The following DPYS variants were observed in gnomAD, a reference collection of about 807,000 sequenced individuals.
The protein encoded by DPYS is dihydropyrimidinase.
A neutral mutation model predicts 50.3 loss-of-function variants in DPYS; 39 were observed. That is an observed-to-expected ratio of 0.78 (90% CI 0.60 to 1.01). The LOEUF (loss-of-function observed/expected upper bound fraction) is 1.01, where lower values mean the gene tolerates loss of function less well. Ranked by LOEUF, DPYS falls within the 50% of genes least tolerant of loss-of-function variation. The pLI, the probability that DPYS is intolerant of heterozygous loss-of-function variation, is 0.00. For synonymous variants in DPYS, 245 were observed against 250.7 expected (o/e 0.98, Z 0.22); for missense variants, 659 against 680.9 (o/e 0.97, Z 0.36).
At chr8:104,430,853 C>T (rs370122537) in intron 4 of DPYS, among the ~76,000 whole-genome samples, 4 of 152,234 alleles carry the variant, frequency 2.6e-5, no homozygotes, top group African/African-American at 4.8e-5. Context: ...ACTTTGCTTC[C>T]GTGACATACC....
chr8:104,444,290 T>C lies in DPYS; in HGVS notation c.751A>G (p.Ser251Gly). 2.5e-6 allele frequency: 4 copies of C among 1,614,250 alleles called. No homozygotes were observed. The highest frequency in any genetic ancestry group is 3.4e-6 in the Non-Finnish European group (4 of 1,180,052). Residue 251 changes from serine to glycine, a missense_variant, in exon 4 of 10, where the codon AGC (serine) becomes GGC (glycine). Physicochemically the swap from Ser to Gly is moderately conservative, Grantham distance 56 (BLOSUM62 0). Transcript: ENST00000351513. Reference sequence around the variant, plus strand: ...GCTATCACCTTAGCTGCAGACTTGCTCATCACATGCACAATGTAGAGAGGA... The same window carrying C: ...GCTATCACCTTAGCTGCAGACTTGCCCATCACATGCACAATGTAGAGAGGA... ...NCPLYIVHVM[S>G]KSAAKVIADA...
Position 104,392,914 on chromosome 8 carries a change from A to G in DPYS, c.1313T>C (p.Leu438Pro), listed in dbSNP as rs752417399. The change falls in exon 8 of 10, where the codon CTT becomes CCT. Residue 438 changes from leucine to proline, a missense_variant. Leu to Pro is a moderately conservative substitution (Grantham distance 98). Coordinates refer to ENST00000351513, the MANE Select transcript of DPYS (RefSeq NM_001385.3). ...CACTTTGCCTCTTGAAATAGTCACAAGGGGCACCCCGTGGCAAACCATGCC... is the reference window on the plus strand; with the variant it reads ...CACTTTGCCTCTTGAAATAGTCACAGGGGGCACCCCGTGGCAAACCATGCC... ...FEGMVCHGVP[L>P]VTISRGKVVY... 6.2e-6 allele frequency: 10 copies of G among 1,614,222 alleles called. No individual in the cohort carries two copies. Among genetic ancestry groups the G allele is most frequent in the Non-Finnish European group, 8.5e-6 (10 of 1,180,040 alleles).
intron 7 of DPYS, among the ~76,000 whole-genome samples, chr8:104,413,874 G>A (rs1050194808): frequency 6.6e-6 from 1 of 152,166 alleles, no homozygotes; most frequent in Non-Finnish European, 1.5e-5. Context: ...TGCAGGACAT[G>A]GACAAGTGTG....
At chr8:104,431,842 A>G (rs1028319493) in intron 4 of DPYS, among the ~76,000 whole-genome samples, 1 of 152,220 alleles carries the variant, frequency 6.6e-6, no homozygotes, top group African/African-American at 2.4e-5. Flanking sequence ...AATTACAGTC[A>G]TAGTATTATA....
intron 9 of DPYS, chr8:104,380,599 A>G (rs1036477561): frequency 1.9e-5 from 3 of 154,100 alleles, no homozygotes; most frequent in African/African-American, 7.2e-5. Flanking sequence ...TCAGAAAAGA[A>G]AGATCTGCAT....
Position 104,447,381 on chromosome 8 carries a change from G to A in DPYS, c.546C>T (p.Cys182=). Residue 182 remains cysteine (C), a synonymous_variant, in exon 3 of 10, where the codon TGC becomes TGT. Transcript: ENST00000351513. ...CCTGGGCAATTGCTCCAATTTCCTT[G>A]CACCGAGAGAAGGCTTCGTACAGCT... The part of the protein sequence containing the change: ...DLELYEAFSR[C]KEIGAIAQVH... 6.2e-7 allele frequency: 1 copy of A among 1,613,858 alleles called. No homozygotes were observed. The highest frequency in any genetic ancestry group is 8.5e-7 in the Non-Finnish European group (1 of 1,179,978).
intron 4 of DPYS, among the ~76,000 whole-genome samples, chr8:104,441,957 A>G (rs1255895240): frequency 6.6e-6 from 1 of 152,248 alleles, no homozygotes; most frequent in Non-Finnish European, 1.5e-5. Flanking sequence ...AGCAATGTGT[A>G]GACAAGGTGT....
At position 104,466,907 on chromosome 8, in the gene DPYS, G is replaced by A. The variant is rs1814436542; in HGVS notation, c.14C>T (p.Ser5Leu). 6.7e-7 allele frequency: 1 copy of A among 1,499,158 alleles called. No individual in the cohort carries two copies. The highest frequency in any genetic ancestry group is 8.8e-7 in the Non-Finnish European group (1 of 1,130,328). 92.9% of individuals were successfully genotyped at this position (1,499,158 alleles called of 1,614,324 possible). Residue 5 changes from serine to leucine, a missense_variant, in exon 1 of 10, where the codon TCG becomes TTG. Transcript: ENST00000351513. Reference sequence around the variant, plus strand: ...GCGACCCCCGCGGATCAGGAGCCGCGAGGGCGCCGCCATAGCGAGGGGCGC... The same window carrying A: ...GCGACCCCCGCGGATCAGGAGCCGCAAGGGCGCCGCCATAGCGAGGGGCGC... MAAP[S>L]RLLIRGGRVV...
At chr8:104,399,217 G>A (rs529533345) in intron 7 of DPYS, among the ~76,000 whole-genome samples, 19 of 150,796 alleles carry the variant, frequency 1.3e-4, no homozygotes, top group African/African-American at 3.7e-4. Context: ...GTTGAACCTG[G>A]GGGGTGGAGG....
At chr8:104,428,401 A>G (rs545049149) in intron 5 of DPYS, among the ~76,000 whole-genome samples, 1 of 152,348 alleles carries the variant, frequency 6.6e-6, no homozygotes, top group Admixed American at 6.5e-5. Context: ...CTGTGATATG[A>G]GCTTGTCCGA....
intron 7 of DPYS, among the ~76,000 whole-genome samples, chr8:104,418,561 C>T (rs1812444534): frequency 6.6e-6 from 1 of 152,230 alleles, no homozygotes; most frequent in Non-Finnish European, 1.5e-5. Context: ...GCCACAACCT[C>T]TTCACCTTCT....
chr8:104,423,065 A>C (rs1812599815), intron 7 of DPYS, among the ~76,000 whole-genome samples: 1 of 152,216 alleles, frequency 6.6e-6, no homozygotes, highest in South Asian at 2.1e-4. Flanking sequence ...TTAGTCCTTA[A>C]ATGGGCAATA....
At chr8:104,397,079 C>A (rs1283763178) in intron 7 of DPYS, among the ~76,000 whole-genome samples, 1 of 152,170 alleles carries the variant, frequency 6.6e-6, no homozygotes, top group African/African-American at 2.4e-5. Flanking sequence ...AGCTGTAATT[C>A]TCCAATCTTA....
intron 6 of DPYS, 113 bp from the exon 7 acceptor site, chr8:104,424,502 T>C: frequency 1.8e-6 from 2 of 1,117,482 alleles, no homozygotes; most frequent in Non-Finnish European, 2.6e-6. Context: ...TAATTTCTTA[T>C]ATTGTAGAGC....
At chr8:104,424,832 T>C (rs1481797120) in intron 6 of DPYS, among the ~76,000 whole-genome samples, 1 of 151,752 alleles carries the variant, frequency 6.6e-6, no homozygotes, top group Non-Finnish European at 1.5e-5. Flanking sequence ...AACACTTTTT[T>C]TTTTTTTTTT....
rs781070256 is a variant in DPYS, at chr8:104,392,913, A to C, written c.1314T>G (p.Leu438=). ...FEGMVCHGVP[L]VTISRGKVVY... is the part of the protein sequence containing the mutation. ...CCACTTTGCCTCTTGAAATAGTCAC[A>C]AGGGGCACCCCGTGGCAAACCATGC... The change falls in exon 8 of 10, where the codon CTT becomes CTG. Residue 438 remains leucine (L), a synonymous_variant. Coordinates refer to ENST00000351513, the MANE Select transcript of DPYS (RefSeq NM_001385.3). 6.2e-7 allele frequency: 1 copy of C among 1,614,246 alleles called. No homozygotes were observed. Among genetic ancestry groups the C allele is most frequent in the Non-Finnish European group, 8.5e-7 (1 of 1,180,046 alleles).
chr8:104,407,901 G>A (rs531090369), intron 7 of DPYS, among the ~76,000 whole-genome samples: 1 of 151,974 alleles, frequency 6.6e-6, no homozygotes, highest in Non-Finnish European at 1.5e-5. Flanking sequence ...CAATTCCATA[G>A]CTCTAGCCCA....
intron 4 of DPYS, among the ~76,000 whole-genome samples, chr8:104,430,621 G>A (rs1186523806): frequency 6.6e-6 from 1 of 152,136 alleles, no homozygotes; most frequent in African/African-American, 2.4e-5. Context: ...TCCTCAGAGA[G>A]TACTGACAGT....
rs1813575927 is a variant in DPYS, at chr8:104,447,451, T to C, written c.476A>G (p.Lys159Arg). Residue 159 changes from lysine to arginine, a missense_variant, in exon 3 of 10, where the codon AAG becomes AGG. Transcript: ENST00000351513. ...CAGATCTTTATAGGCCATAAACATC[T>C]TGAAAGAGTTAACACCTTTATCTTG... ...LVQDKGVNSF[K>R]MFMAYKDLYM... is the part of the protein sequence containing the mutation. 5 of 1,614,130 alleles carry C rather than the reference T, an allele frequency of 3.1e-6. 1 individual carries two copies. In the South Asian group the frequency reaches 4.4e-5, roughly 14 times the overall value.
Sources: allele counts gnomAD v4.1 joint callset (sites outside exome capture counted in the v4.1 genomes callset), GRCh38; gene constraint gnomAD v4.1.1; transcripts MANE v1.5; gene names NCBI Gene and HGNC (gene_info 2026-07-23, HGNC 2026-07-21).